PRKCH: variants seen among roughly 807,000 people sequenced by gnomAD.
PRKCH encodes the protein protein kinase C eta, also known as protein kinase C eta type.
PRKCH carries 28 observed loss-of-function variants against 82.5 expected under a neutral mutation model. The ratio of observed to expected loss-of-function variants is 0.34; its 90% CI spans 0.25 to 0.47. The LOEUF is 0.47. PRKCH is among the 20% of genes least tolerant of loss of function. The probability of loss-of-function intolerance (pLI) is 1.00; values close to 1 mark genes in which losing one functional copy is unlikely to be tolerated. For missense variants in PRKCH, 705 were observed against 881.8 expected (o/e 0.80, Z 2.54); for synonymous variants, 322 against 327.4 (o/e 0.98, Z 0.18).
intron 1 of PRKCH, among the ~76,000 whole-genome samples, chr14:61,213,105 G>T (rs1435811871): frequency 6.6e-6 from 1 of 152,144 alleles, no homozygotes; most frequent in East Asian, 1.9e-4. Context: ...TTGTCTCTTT[G>T]CCTGCCGTGG....
intron 9 of PRKCH, among the ~76,000 whole-genome samples, chr14:61,466,995 C>T (rs949523888): frequency 1.3e-5 from 2 of 152,182 alleles, no homozygotes; most frequent in Non-Finnish European, 2.9e-5. Context: ...AATGATCTCA[C>T]GTGTGCTCAG....
In PRKCH at chr14:61,248,798, A is replaced by ATGTGTG. The variant is rs1274097072; in HGVS notation, c.-19+61138_-19+61143dup. Among the ~76,000 whole-genome samples, 17 of 21,988 alleles carry ATGTGTG rather than the reference A, an allele frequency of 7.7e-4. No individual in the cohort carries two copies. In the South Asian group the frequency reaches 0.01, roughly 14 times the overall value. 14.4% of individuals were successfully genotyped at this position (21,988 alleles called of 152,430 possible). Reference sequence around the variant, plus strand: ...TATGTATGTATGTATGTATGTATGTATGTGTGTGTGTGTATGTATTTAGAG... The same window carrying ATGTGTG: ...TATGTATGTATGTATGTATGTATGTATGTGTGTGTGTGTGTGTGTATGTATTTAGAG... On this transcript the variant is annotated intron_variant, in intron 1 of 3. Transcript: ENST00000555185.
intron 1 of PRKCH, among the ~76,000 whole-genome samples, chr14:61,216,696 G>A (rs1048332952): frequency 3.3e-5 from 5 of 152,176 alleles, no homozygotes; most frequent in Non-Finnish European, 7.3e-5. Context: ...CTGGGCTGCC[G>A]AAGGGCTGGT....
At chr14:61,227,070 C>T (rs1449526744) in intron 1 of PRKCH, among the ~76,000 whole-genome samples, 1 of 152,108 alleles carries the variant, frequency 6.6e-6, no homozygotes, top group Non-Finnish European at 1.5e-5. Flanking sequence ...TTGCAAGGCC[C>T]GGAGAGAATA....
chr14:61,531,787 T>C (rs1413364427), intron 12 of PRKCH, among the ~76,000 whole-genome samples: 1 of 152,224 alleles, frequency 6.6e-6, no homozygotes, highest in Non-Finnish European at 1.5e-5. Context: ...ATATCTCCTA[T>C]CTAACATGTT....
At chr14:61,374,103 C>CA (rs2046399409) in intron 1 of PRKCH, among the ~76,000 whole-genome samples, 1 of 152,208 alleles carries the variant, frequency 6.6e-6, no homozygotes, top group East Asian at 1.9e-4. Context: ...AATGGGGCTA[C>CA]AGGCCCCATG....
chr14:61,292,162 C>T (rs2045368774), intron 1 of PRKCH, among the ~76,000 whole-genome samples: 1 of 151,934 alleles, frequency 6.6e-6, no homozygotes, highest in Non-Finnish European at 1.5e-5. Flanking sequence ...AACTCTGCTC[C>T]AATCAATAAG....
chr14:61,297,035 G>A (rs1339334681), intron 1 of PRKCH, among the ~76,000 whole-genome samples: 1 of 152,006 alleles, frequency 6.6e-6, no homozygotes, highest in East Asian at 1.9e-4. Context: ...AGCTTGTAAT[G>A]TATTAGATTT....
intron 2 of PRKCH, among the ~76,000 whole-genome samples, chr14:61,397,190 G>T (rs1295238244): frequency 2.0e-5 from 3 of 152,156 alleles, no homozygotes; most frequent in African/African-American, 7.2e-5. Flanking sequence ...TGTCTGTGTA[G>T]TAAAATCAGT....
intron 11 of PRKCH, among the ~76,000 whole-genome samples, 174 bp from the exon 12 acceptor site, chr14:61,530,233 A>C (rs1310435752): frequency 6.6e-6 from 1 of 152,210 alleles, no homozygotes; most frequent in African/African-American, 2.4e-5. Context: ...CTCTGAGTTG[A>C]CCACAGGGAA....
chr14:61,332,917 G>A (rs1191131137), intron 1 of PRKCH, among the ~76,000 whole-genome samples: 1 of 152,144 alleles, frequency 6.6e-6, no homozygotes, highest in Non-Finnish European at 1.5e-5. Context: ...TGAGCTCTGT[G>A]GTCCTTCCGG....
intron 10 of PRKCH, among the ~76,000 whole-genome samples, chr14:61,500,620 T>C (rs1037924441): frequency 6.6e-6 from 1 of 152,170 alleles, no homozygotes; most frequent in African/African-American, 2.4e-5. Context: ...CTCAGGAATT[T>C]AATTCCTGCA....
chr14:61,536,484 G>C (rs2043111086), intron 12 of PRKCH, among the ~76,000 whole-genome samples: 1 of 152,118 alleles, frequency 6.6e-6, no homozygotes, highest in South Asian at 2.1e-4. Flanking sequence ...CCTTCACAGT[G>C]CCTCTCTCTA....
upstream of PRKCH, among the ~76,000 whole-genome samples, chr14:61,317,638 C>T (rs947431080): frequency 2.0e-5 from 3 of 152,112 alleles, no homozygotes; most frequent in African/African-American, 7.2e-5. Context: ...GCAGACAATT[C>T]CTCCCTGCTT....
chr14:61,345,882 T>G (rs2045986272), intron 1 of PRKCH, among the ~76,000 whole-genome samples: 1 of 152,012 alleles, frequency 6.6e-6, no homozygotes, highest in Non-Finnish European at 1.5e-5. Context: ...CTCTTTTTTT[T>G]TTTTTAAAGT....
At chr14:61,502,803 C>T (rs2139954768) in intron 10 of PRKCH, among the ~76,000 whole-genome samples, 1 of 152,202 alleles carries the variant, frequency 6.6e-6, no homozygotes, top group Non-Finnish European at 1.5e-5. Flanking sequence ...ATCCAAGCAG[C>T]TAGAAGCTTG....
intron 9 of PRKCH, among the ~76,000 whole-genome samples, chr14:61,484,613 T>A (rs1018771115): frequency 6.6e-6 from 1 of 152,206 alleles, no homozygotes; most frequent in African/African-American, 2.4e-5. Context: ...TAGTGACTTT[T>A]AAGAGTCCAC....
rs1884813757 is a variant in PRKCH at position 61,457,254 on chromosome 14, T to G, written c.1039T>G (p.Ser347Ala). The change falls in exon 8 of 14, where the codon TCC becomes GCC. Residue 347 changes from serine (S) to alanine (A), a missense_variant. This residue lies in a region of PRKCH where 238 missense variants were observed against 258.1 expected (regional missense o/e 0.92). Transcript: ENST00000332981. ...AGGAAATGGGATTGGGGTTAATTCTTCCAACCGACTTGGTATCGACAACTT... is the reference window on the plus strand; with the variant it reads ...AGGAAATGGGATTGGGGTTAATTCTGCCAACCGACTTGGTATCGACAACTT... ...KEGNGIGVNS[S>A]NRLGIDNFEF... The G allele has an allele frequency of 6.2e-7, 1 of 1,614,060 alleles. No individual in the cohort carries two copies. The highest frequency in any genetic ancestry group is 1.3e-5 in the African/African-American group (1 of 74,914).
chr14:61,501,082 T>G lies in PRKCH; in HGVS notation c.1433+15426T>G, dbSNP rs192380107. On this transcript the variant is annotated intron_variant, in intron 10 of 13. Coordinates refer to ENST00000332981, the MANE Select transcript of PRKCH (RefSeq NM_006255.5). Reference sequence around the variant, plus strand: ...TGATATTGTACCAACTCTTTAATTCTCTAAGCCTCCGTTTCTTAATCTACA... The same window carrying G: ...TGATATTGTACCAACTCTTTAATTCGCTAAGCCTCCGTTTCTTAATCTACA... Among the ~76,000 whole-genome samples, 746 of 152,286 alleles carry G rather than the reference T, an allele frequency of 4.9e-3. 4 individuals are homozygous for G. Among genetic ancestry groups the G allele is most frequent in the Non-Finnish European group, 7.5e-3 (512 of 68,032 alleles).
Sources: gnomAD v4.1 joint callset for allele counts (sites outside exome capture counted in the v4.1 genomes callset) on GRCh38, gnomAD v4.1.1 for gene constraint, gnomAD v4.1.1 regional missense constraint, MANE v1.5 for transcripts, NCBI Gene and HGNC (gene_info 2026-07-23, HGNC 2026-07-21) for gene names.